Variants in KCNH2 observed in about 807,000 individuals in gnomAD.
The protein encoded by KCNH2 is potassium voltage-gated channel subfamily H member 2.
A neutral mutation model predicts 95.9 loss-of-function variants in KCNH2; 35 were observed. The observed-to-expected ratio is 0.37, with a 90% CI of 0.28 to 0.48. The LOEUF is 0.48. Among genes scored for constraint, KCNH2 ranks in the 20% least tolerant of loss-of-function variants. The pLI, the probability that KCNH2 is intolerant of heterozygous loss-of-function variation, is 0.99. For synonymous variants in KCNH2, 786 were observed against 754.7 expected (o/e 1.04, Z -0.68); for missense variants, 1,274 against 1,702.9 (o/e 0.75, Z 4.43).
rs1232364499 is a variant in KCNH2, at chr7:150,947,739, C to G, written c.2832G>C (p.Glu944Asp). 16 of 1,554,714 alleles carry G rather than the reference C, an allele frequency of 1.0e-5. No individual in the cohort carries two copies. Among genetic ancestry groups the G allele is most frequent in the Non-Finnish European group, 1.3e-5 (15 of 1,153,164 alleles). The change falls in exon 12 of 15, where the codon GAG (glutamate) becomes GAC (aspartate). Residue 944 changes from glutamate to aspartate, a missense_variant. Coordinates refer to ENST00000262186, the MANE Select transcript of KCNH2 (RefSeq NM_000238.4). ...GPSSPESSED[E>D]GPGRSSSPLR... ...GGGGGCTGGAGCTGCGGCCTGGGCC[C>G]TCATCCTCACTGCTCTCAGGGCTGG...
intron 2 of KCNH2, among the ~76,000 whole-genome samples, chr7:150,966,643 A>G (rs1269584242): frequency 6.6e-6 from 1 of 152,196 alleles, no homozygotes. Context: ...ATACAAGATC[A>G]GCCCGCAAAA....
rs1801557842 is a variant in KCNH2 at position 150,961,193 on chromosome 7, G to A, written c.308-1457C>T. 6.6e-6 allele frequency among the ~76,000 whole-genome samples: 1 copy of A among 152,214 alleles called. No homozygotes were observed. The highest frequency in any genetic ancestry group is 2.4e-5 in the African/African-American group (1 of 41,450). ...GCCCTGGGGCCAGCACTGGCTGGTGGTGTCAGTGACAGGCCATGCTGACAG... is the reference window on the plus strand; with the variant it reads ...GCCCTGGGGCCAGCACTGGCTGGTGATGTCAGTGACAGGCCATGCTGACAG... On this transcript the variant is annotated intron_variant, in intron 2 of 14. Transcript: ENST00000262186. This position sits in a 1 kb window ranked among gnomAD's most constrained non-coding sequence, Gnocchi z 6.2.
rs369527780 is a variant in KCNH2, at chr7:150,951,859, T to C, written c.1558-24A>G. ...AGCTGGGGGACAGGGAAGGGGCACA[T>C]TCCGTTGATGGGGCAAGGGGGGCAA... On this transcript the variant is annotated intron_variant, in intron 6 of 14. Transcript: ENST00000262186. 8.4e-6 allele frequency: 13 copies of C among 1,550,406 alleles called. No individual in the cohort carries two copies. The African/African-American group carries it at 1.8e-4, about 21-fold the overall frequency.
At position 150,959,883 on chromosome 7, in the gene KCNH2, C is replaced by T; in HGVS notation, c.308-147G>A. 3.3e-6 allele frequency: 3 copies of T among 902,182 alleles called. No homozygotes were observed. The South Asian group carries it at 4.3e-5, about 13-fold the overall frequency. 55.9% of individuals were successfully genotyped at this position (902,182 alleles called of 1,614,324 possible). On this transcript the variant is annotated intron_variant, in intron 2 of 14. Transcript: ENST00000262186. ...CCTCTCCGGGATCTCCCGTCCTGAT[C>T]CCCCACCCGGCCATGTGCCTGCCGC...
chr7:150,976,893 C>T (rs992369119), intron 1 of KCNH2, among the ~76,000 whole-genome samples: 1 of 151,964 alleles, frequency 6.6e-6, no homozygotes, highest in African/African-American at 2.4e-5. Flanking sequence ...CGGACTGACC[C>T]CTCCTTCCCC....
rs118121666 is a variant in KCNH2, at chr7:150,970,576, G to A, written c.307+4135C>T. On this transcript the variant is annotated intron_variant, in intron 2 of 14. Transcript: ENST00000262186. The stretch of plus-strand genomic sequence containing the variant: ...CAGCCGCAGCTCAGGAATGACCCCC[G>A]TGGAGCCCCTCCAACAGGCCTCTGA... Among the ~76,000 whole-genome samples the A allele has an allele frequency of 2.9e-3, 435 of 152,266 alleles. 9 individuals carry two copies. Among genetic ancestry groups the A allele is most frequent in the East Asian group, 0.021 (110 of 5,172 alleles).
chr7:150,977,260 G>A lies in KCNH2; in HGVS notation c.76+578C>T, dbSNP rs192037974. 1.5e-3 allele frequency among the ~76,000 whole-genome samples: 231 copies of A among 152,246 alleles called. 1 individual carries two copies. The highest frequency in any genetic ancestry group is 4.7e-3 in the African/African-American group (197 of 41,544). ...CTGTCTCCACAGAGCCCACAAGCTCGCAGCCTTGTCAAAGACACCTCCCCA... is the reference window on the plus strand; with the variant it reads ...CTGTCTCCACAGAGCCCACAAGCTCACAGCCTTGTCAAAGACACCTCCCCA... On this transcript the variant is annotated intron_variant, in intron 1 of 14. Transcript: ENST00000262186.
rs1801108232 is a variant in KCNH2 at position 150,950,528 on chromosome 7, G to C, written c.2146-108C>G. 3.5e-6 allele frequency: 5 copies of C among 1,415,322 alleles called. No homozygotes were observed. In the South Asian group the frequency reaches 5.3e-5, roughly 15 times the overall value. The allele number at this position is 1,415,322 out of a possible 1,614,324, so 87.7% of individuals were successfully genotyped here. A position where few individuals can be genotyped will look rare whatever the true frequency, so the allele number is the denominator to read the frequency against. ...ATGTCAGAGAAATCTCAACCTCCAG[G>C]CCTGGGAGATCTCGGAAGCATCAGG... is the stretch of plus-strand genomic sequence containing the variant. On this transcript the variant is annotated intron_variant, in intron 8 of 14. Coordinates refer to ENST00000262186, the MANE Select transcript of KCNH2 (RefSeq NM_000238.4).
intron 2 of KCNH2, among the ~76,000 whole-genome samples, chr7:150,966,190 A>G (rs1287929031): frequency 6.6e-6 from 1 of 152,158 alleles, no homozygotes; most frequent in African/African-American, 2.4e-5. Context: ...CACAGCTGCC[A>G]CTGTCCACCA....
intron 2 of KCNH2, 129 bp from the exon 3 acceptor site, chr7:150,959,865 G>A (rs1584868115): frequency 1.3e-5 from 13 of 1,031,058 alleles, no homozygotes; most frequent in South Asian, 2.7e-5. Context: ...CTTCCTCTCC[G>A]GGATCTCCCG....
intron 11 of KCNH2, 74 bp from the exon 12 acceptor site, chr7:150,947,952 C>A: frequency 6.8e-7 from 1 of 1,467,834 alleles, no homozygotes; most frequent in African/African-American, 1.4e-5. Flanking sequence ...GAGGAGGGGA[C>A]AGGAGCGAGC....
rs951572279 is a variant in KCNH2, at chr7:150,946,184, C to T, written c.3331-670G>A. 2.0e-5 allele frequency among the ~76,000 whole-genome samples: 3 copies of T among 152,078 alleles called. No individual in the cohort carries two copies. Among genetic ancestry groups the T allele is most frequent in the Admixed American group, 1.3e-4 (2 of 15,280 alleles). On this transcript the variant is annotated intron_variant, in intron 14 of 14. Transcript: ENST00000262186. The surrounding 1 kb of genome is among the most constrained non-coding windows in gnomAD (Gnocchi z 6.5). ...CCGCCTCTGGCAGCCAGAGGAGTCC[C>T]CACCATGGACGCGGAGGTTGACACA...
In KCNH2 at chr7:150,951,673, T is replaced by G. The variant is rs199473667; in HGVS notation, c.1720A>C (p.Met574Leu). The G allele has an allele frequency of 6.2e-7, 1 of 1,614,204 alleles. No individual in the cohort carries two copies. The change falls in exon 7 of 15, where the codon ATG becomes CTG. Residue 574 changes from methionine to leucine, a missense_variant. Around this residue, in one of 7 missense-constraint regions of KCNH2, gnomAD observed 147 missense variants for 344.4 expected, o/e 0.43. Transcript: ENST00000262186. ...CGTGAGTCCATGTGTGGCTGCTCCA[T>G]GTTGCCGATGGCGTACCAGATGCAG... is the stretch of plus-strand genomic sequence containing the variant. The part of the protein sequence containing the change: ...LACIWYAIGN[M>L]EQPHMDSRIG...
chr7:150,976,104 C>T (rs1216240296), intron 1 of KCNH2, among the ~76,000 whole-genome samples: 4 of 152,248 alleles, frequency 2.6e-5, no homozygotes, highest in African/African-American at 4.8e-5. Flanking sequence ...CAGAAGTTTC[C>T]GGCCACTTTG....
rs1291108709 is a variant in KCNH2 at position 150,958,336 on chromosome 7, G to A, written c.639C>T (p.Asp213=). Residue 213 remains aspartate, a synonymous_variant, in exon 4 of 15, where the codon GAC becomes GAT. Transcript: ENST00000262186. ...CGTGGTTGTCCATGGCTGTCACTTC[G>A]TCCAGGGCCAGCGACTCGCTGCTGG... The part of the protein sequence containing the change: ...AAPSSESLAL[D]EVTAMDNHVA... The A allele has an allele frequency of 1.3e-6, 2 of 1,490,964 alleles. No homozygotes were observed. 92.4% of individuals were successfully genotyped at this position (1,490,964 alleles called of 1,614,324 possible). A position where few individuals can be genotyped will look rare whatever the true frequency, so the allele number is the denominator to read the frequency against.
intron 2 of KCNH2, among the ~76,000 whole-genome samples, chr7:150,972,798 G>A (rs1801872986): frequency 6.6e-6 from 1 of 152,210 alleles, no homozygotes; most frequent in African/African-American, 2.4e-5. Context: ...TGGATTAGGT[G>A]ATCCCACAAT....
At chr7:150,972,626 A>G (rs572143975) in intron 2 of KCNH2, among the ~76,000 whole-genome samples, 1 of 152,340 alleles carries the variant, frequency 6.6e-6, no homozygotes, top group East Asian at 1.9e-4. Flanking sequence ...TTGCTGGCAC[A>G]GAGTTTTCTG....
At chr7:150,970,130 G>C (rs969399842) in intron 2 of KCNH2, among the ~76,000 whole-genome samples, 1 of 152,142 alleles carries the variant, frequency 6.6e-6, no homozygotes, top group Non-Finnish European at 1.5e-5. Context: ...CACTCTAAAC[G>C]CAGAAGTTCT....
At position 150,956,020 on chromosome 7, in the gene KCNH2, G is replaced by A. The variant is rs114499166; in HGVS notation, c.1128+1271C>T. 5.3e-3 allele frequency: 1,045 copies of A among 196,360 alleles called. 12 individuals carry two copies. Among genetic ancestry groups the A allele is most frequent in the African/African-American group, 0.023 (954 of 41,866 alleles). The allele number at this position is 196,360 out of a possible 1,614,324, so 12.2% of individuals were successfully genotyped here. On this transcript the variant is annotated intron_variant, in intron 5 of 14. Coordinates refer to ENST00000262186, the MANE Select transcript of KCNH2 (RefSeq NM_000238.4). ...GATTAATGGTCTCCCTGACACCCCC[G>A]CCCAGCCGGTCCAGTGCTGAGCCAG...
Sources: gnomAD v4.1 joint callset for allele counts (sites outside exome capture counted in the v4.1 genomes callset) on GRCh38, gnomAD v4.1.1 for gene constraint, gnomAD v4.1.1 regional missense constraint, Gnocchi (gnomAD v3.1) non-coding constraint, MANE v1.5 for transcripts, NCBI Gene and HGNC (gene_info 2026-07-23, HGNC 2026-07-21) for gene names.